Variants in PATJ observed in about 807,000 individuals in gnomAD.
PATJ encodes the protein inaD-like protein.
A neutral mutation model predicts 224.9 loss-of-function variants in PATJ; 190 were observed. That is an observed-to-expected ratio of 0.84 (90% CI 0.75 to 0.95). The LOEUF is 0.95. Ranked by LOEUF, PATJ falls within the 40% of genes least tolerant of loss-of-function variation. The pLI is 0.00. For synonymous variants in PATJ, 769 were observed against 820.3 expected (o/e 0.94, Z 1.07); for missense variants, 2,121 against 2,270.3 (o/e 0.93, Z 1.34).
At chr1:62,029,102 G>A (rs1648675769) in intron 29 of PATJ, among the ~76,000 whole-genome samples, 1 of 152,090 alleles carries the variant, frequency 6.6e-6, no homozygotes, top group African/African-American at 2.4e-5. Context: ...CTTTGCAGTA[G>A]GTTTGAACAT....
At chr1:62,020,698 C>G (rs1021290814) in intron 29 of PATJ, among the ~76,000 whole-genome samples, 1 of 152,174 alleles carries the variant, frequency 6.6e-6, no homozygotes, top group Non-Finnish European at 1.5e-5. Context: ...TGCTTATTTA[C>G]TGGAAGTGAT....
chr1:61,764,019 G>GTTA (rs1324163260), intron 3 of PATJ, among the ~76,000 whole-genome samples: 1 of 150,652 alleles, frequency 6.6e-6, no homozygotes, highest in Non-Finnish European at 1.5e-5. Flanking sequence ...GTGTGTGTGT[G>GTTA]TTATTATTAT....
chr1:61,871,122 CTA>C (rs1347955554), intron 20 of PATJ, among the ~76,000 whole-genome samples: 1 of 68,340 alleles, frequency 1.5e-5, no homozygotes, highest in African/African-American at 5.6e-5. Context: ...AAGAATAATT[CTA>C]TGTTCTTATT....
chr1:61,822,927 C>T lies in PATJ; in HGVS notation c.1684-18C>T. 3.1e-6 allele frequency: 5 copies of T among 1,613,602 alleles called. No individual in the cohort carries two copies. Among genetic ancestry groups the T allele is most frequent in the Non-Finnish European group, 4.2e-6 (5 of 1,179,766 alleles). ...GTGTCATTGTCATGTTTGATCATTG[C>T]TTTGTGTTTTGCTACAGCTGCTGCC... is the stretch of plus-strand genomic sequence containing the variant. On this transcript the variant is annotated intron_variant, in intron 14 of 43. Transcript: ENST00000642238.
At chr1:62,062,167 G>A (rs1357130262) in intron 31 of PATJ, among the ~76,000 whole-genome samples, 1 of 151,868 alleles carries the variant, frequency 6.6e-6, no homozygotes, top group East Asian at 1.9e-4. Context: ...AATCTCTAAA[G>A]TGCTTGCCAC....
intron 30 of PATJ, among the ~76,000 whole-genome samples, chr1:62,042,659 A>T (rs72677937): frequency 0.13 from 19,904 of 151,794 alleles, 1,494 homozygotes; most frequent in South Asian, 0.21. Flanking sequence ...TATTTTTTTA[A>T]AAAAAAAGAC....
intron 20 of PATJ, among the ~76,000 whole-genome samples, chr1:61,866,737 A>G (rs1305435882): frequency 6.6e-6 from 1 of 152,244 alleles, no homozygotes; most frequent in Non-Finnish European, 1.5e-5. Context: ...TGGACCTCGC[A>G]CAAGAAAAAT....
chr1:62,038,923 A>T, intron 30 of PATJ: 1 of 1,030,978 alleles, frequency 9.7e-7, no homozygotes, highest in Non-Finnish European at 1.5e-6. Flanking sequence ...AGATTCACTT[A>T]ATCTGGGTTG....
At chr1:62,113,781 C>G (rs751393994) in intron 34 of PATJ, among the ~76,000 whole-genome samples, 5 of 152,216 alleles carry the variant, frequency 3.3e-5, no homozygotes, top group Non-Finnish European at 7.3e-5. Context: ...ACTCTCCTGT[C>G]TCTTTCATTG....
At chr1:62,144,796 A>ATATATATATATATATATATATATATATAT (rs1204098847) in intron 41 of PATJ, among the ~76,000 whole-genome samples, 27 of 145,054 alleles carry the variant, frequency 1.9e-4, no homozygotes, top group Admixed American at 2.8e-4. Flanking sequence ...ATATATATAT[A>ATATATATATATATATATATATATATATAT]ATTAGCAGAA....
chr1:61,936,518 A>T (rs1354835442), intron 27 of PATJ, among the ~76,000 whole-genome samples: 1 of 151,992 alleles, frequency 6.6e-6, no homozygotes, highest in Non-Finnish European at 1.5e-5. Flanking sequence ...AGTCTCAAAA[A>T]TTCAAAACCT....
chr1:61,800,989 T>C (rs150380846), intron 11 of PATJ, among the ~76,000 whole-genome samples: 1 of 152,336 alleles, frequency 6.6e-6, no homozygotes, highest in East Asian at 1.9e-4. Flanking sequence ...CTGATAGACA[T>C]TTGGGTTGGT....
rs546929610 is a variant in PATJ, at chr1:61,798,487, C to T, written c.1402+1059C>T. 8.5e-5 allele frequency among the ~76,000 whole-genome samples: 13 copies of T among 152,270 alleles called. No homozygotes were observed. In the South Asian group the frequency reaches 1.5e-3, roughly 17 times the overall value. On this transcript the variant is annotated intron_variant, in intron 11 of 43. Coordinates refer to ENST00000642238, the MANE Select transcript of PATJ (RefSeq NM_001350145.3). ...CTACTGGGATTACAGGTGTTAACCA[C>T]GGTGCCTGGCTGCATGTCAGTTTTT... is the stretch of plus-strand genomic sequence containing the variant.
At chr1:61,779,218 A>T (rs1029191938) in intron 7 of PATJ, among the ~76,000 whole-genome samples, 1 of 152,244 alleles carries the variant, frequency 6.6e-6, no homozygotes, top group Non-Finnish European at 1.5e-5. Context: ...ATATTATTTT[A>T]AAAAATTGGC....
intron 27 of PATJ, among the ~76,000 whole-genome samples, chr1:61,953,421 G>A (rs1680004370): frequency 6.6e-6 from 1 of 152,212 alleles, no homozygotes; most frequent in Non-Finnish European, 1.5e-5. Context: ...TGGCTATGCT[G>A]TCAAAACTAT....
chr1:61,855,353 GT>G, intron 17 of PATJ, among the ~76,000 whole-genome samples: 1 of 152,170 alleles, frequency 6.6e-6, no homozygotes, highest in Non-Finnish European at 1.5e-5. Flanking sequence ...CACTGAAATT[GT>G]TAAGATTATA....
At chr1:61,970,061 G>GT (rs1557964418) in intron 27 of PATJ, among the ~76,000 whole-genome samples, 2 of 150,754 alleles carry the variant, frequency 1.3e-5, no homozygotes, top group East Asian at 1.9e-4. Context: ...TGTCTATTTG[G>GT]TTTTTTGTAT....
Position 61,998,028 on chromosome 1 carries a change from ATAT to A in PATJ, c.3867+7668_3867+7670del, listed in dbSNP as rs1288431792. ...ATTATATATATTAATTATATATAAT[ATAT>A]TATATATTTATTATATATATTATAT... On this transcript the variant is annotated intron_variant, in intron 28 of 43. Transcript: ENST00000642238. Among the ~76,000 whole-genome samples the A allele has an allele frequency of 2.7e-4, 34 of 124,242 alleles. 1 individual carries two copies. The highest frequency in any genetic ancestry group is 4.7e-4 in the South Asian group (2 of 4,220). 81.5% of individuals were successfully genotyped at this position (124,242 alleles called of 152,430 possible). A position where few individuals can be genotyped will look rare whatever the true frequency, so the allele number is the denominator to read the frequency against.
At chr1:61,981,694 C>T (rs1261534770) in intron 27 of PATJ, among the ~76,000 whole-genome samples, 2 of 147,600 alleles carry the variant, frequency 1.4e-5, no homozygotes, top group Non-Finnish European at 3.0e-5. Context: ...TTTTTGGAGA[C>T]GGAGTCTCAC....
Sources: gnomAD v4.1 joint callset for allele counts (sites outside exome capture counted in the v4.1 genomes callset) on GRCh38, gnomAD v4.1.1 for gene constraint, MANE v1.5 for transcripts, NCBI Gene and HGNC (gene_info 2026-07-23, HGNC 2026-07-21) for gene names.